Variants in UROC1 observed in about 807,000 individuals in gnomAD.
The protein encoded by UROC1 is urocanate hydratase.
UROC1 carries 79 observed loss-of-function variants against 89.5 expected under a neutral mutation model. That is an observed-to-expected ratio of 0.88 (90% CI 0.74 to 1.06). The LOEUF (loss-of-function observed/expected upper bound fraction) is 1.06, where lower values mean the gene tolerates loss of function less well. Ranked by LOEUF, UROC1 falls within the 50% of genes least tolerant of loss-of-function variation. UROC1 has a pLI of 0.00. For missense variants in UROC1, 885 were observed against 907.8 expected, an observed-to-expected ratio of 0.97 and a Z score of 0.32; for synonymous variants, 361 against 354.8, an observed-to-expected ratio of 1.02 and a Z score of -0.20.
chr3:126,510,797 G>A lies in UROC1; in HGVS notation c.127-3C>T. 1.2e-6 allele frequency: 2 copies of A among 1,612,792 alleles called. No individual in the cohort carries two copies. Among genetic ancestry groups the A allele is most frequent in the Non-Finnish European group, 1.7e-6 (2 of 1,179,890 alleles). On this transcript the variant is annotated splice_polypyrimidine_tract_variant and splice_region_variant and intron_variant, in intron 1 of 19. Transcript: ENST00000290868. ...CGCAGGGCGTTCCTCAGCGCCAGCT[G>A]GGGTAGGAGAGCGGAGAGGCAGTCG...
rs529412450 is a variant in UROC1 at position 126,481,645 on chromosome 3, G to C, written c.*700C>G. ...TCCCGGTGACCTCTCACGAGGCTCT[G>C]GACCCAGTCATTACCGGGCTATGGG... On this transcript the variant is annotated 3_prime_UTR_variant, in exon 20 of 20. Transcript: ENST00000290868. 3 of 152,320 alleles carry C rather than the reference G, an allele frequency of 2.0e-5. No homozygotes were observed. The East Asian group carries it at 5.8e-4, about 30-fold the overall frequency. 9.4% of individuals were successfully genotyped at this position (152,320 alleles called of 1,614,324 possible).
At position 126,508,097 on chromosome 3, in the gene UROC1, TGGGGGA is replaced by T. The variant is rs1481807917; in HGVS notation, c.412-8_412-3del. The T allele has an allele frequency of 6.2e-7, 1 of 1,613,692 alleles. No individual in the cohort carries two copies. ...CAAGTAGAACATGGTCAGCCAGAAC[TGGGGGA>T]AGAGCAGAGCGTGGGGATTCTGTCA... On this transcript the variant is annotated splice_region_variant and splice_polypyrimidine_tract_variant and intron_variant, in intron 4 of 19. Coordinates refer to ENST00000290868, the MANE Select transcript of UROC1 (RefSeq NM_144639.3).
intron 12 of UROC1, 35 bp from the exon 13 acceptor site, chr3:126,499,444 C>T: frequency 1.3e-6 from 2 of 1,595,682 alleles, no homozygotes; most frequent in Non-Finnish European, 1.7e-6. Context: ...CCACCCAAGG[C>T]AGGACACCCA....
chr3:126,505,013 A>C (rs559972349), intron 8 of UROC1, among the ~76,000 whole-genome samples: 1 of 152,210 alleles, frequency 6.6e-6, no homozygotes, highest in South Asian at 2.1e-4. Context: ...TGTTCCTACA[A>C]GAGCTGGTTG....
At chr3:126,514,925 T>G (rs1936266882) in intron 1 of UROC1, among the ~76,000 whole-genome samples, 1 of 152,122 alleles carries the variant, frequency 6.6e-6, no homozygotes, top group Middle Eastern at 3.4e-3. Flanking sequence ...TCTTATCACA[T>G]AAAATTGTCT....
intron 1 of UROC1, among the ~76,000 whole-genome samples, chr3:126,514,147 T>C (rs949752772): frequency 6.6e-6 from 1 of 152,256 alleles, no homozygotes; most frequent in Non-Finnish European, 1.5e-5. Context: ...TTAGGGCTCC[T>C]AGTACAACTC....
chr3:126,513,427 C>T (rs1213420239), intron 1 of UROC1, among the ~76,000 whole-genome samples: 1 of 152,256 alleles, frequency 6.6e-6, no homozygotes, highest in Non-Finnish European at 1.5e-5. Context: ...TCCTTCTCCA[C>T]ATCTGTGCAC....
chr3:126,482,260 G>T lies in UROC1; in HGVS notation c.*85C>A. On this transcript the variant is annotated 3_prime_UTR_variant, in exon 20 of 20. Coordinates refer to ENST00000290868, the MANE Select transcript of UROC1 (RefSeq NM_144639.3). ...TGTGCGAGAAGTGCAGGTAGTGCGG[G>T]TGTGCAGGAAGGGTGTGTGCCATGG... 9 of 1,575,580 alleles carry T rather than the reference G, an allele frequency of 5.7e-6. No individual in the cohort carries two copies. The highest frequency in any genetic ancestry group is 7.8e-6 in the Non-Finnish European group (9 of 1,153,526).
intron 12 of UROC1, 29 bp from the exon 13 acceptor site, chr3:126,499,438 C>T (rs761644749): frequency 6.2e-7 from 1 of 1,600,586 alleles, no homozygotes; most frequent in Non-Finnish European, 8.5e-7. Context: ...CAGTCACCAC[C>T]CAAGGCAGGA....
chr3:126,508,881 T>G (rs562462298), intron 3 of UROC1, among the ~76,000 whole-genome samples: 1 of 152,052 alleles, frequency 6.6e-6, no homozygotes, highest in Non-Finnish European at 1.5e-5. Flanking sequence ...GGGCAGCTGC[T>G]CTATAGACTG....
chr3:126,498,039 C>T lies in UROC1; in HGVS notation c.1438+12G>A. ...GCCACCCACCCATGGGCATCCCCAC[C>T]AATGGCGTCACCTCCATCAGCAATG... On this transcript the variant is annotated intron_variant, in intron 14 of 19. Coordinates refer to ENST00000290868, the MANE Select transcript of UROC1 (RefSeq NM_144639.3). The T allele has an allele frequency of 6.2e-7, 1 of 1,614,010 alleles. No individual in the cohort carries two copies. Among genetic ancestry groups the T allele is most frequent in the Middle Eastern group, 1.6e-4 (1 of 6,062 alleles).
At chr3:126,486,705 C>T (rs776423233) in intron 18 of UROC1, among the ~76,000 whole-genome samples, 21 of 152,194 alleles carry the variant, frequency 1.4e-4, no homozygotes, top group Admixed American at 2.6e-4. Flanking sequence ...GGGATCAATG[C>T]GCAGGAAAGA....
At position 126,489,356 on chromosome 3, in the gene UROC1, C is replaced by T. The variant is rs762973643; in HGVS notation, c.1628G>A (p.Arg543Gln). The part of the protein sequence containing the change: ...RRIKAPVVLS[R>Q]DHHDVSGTDS... ...GGTGCCGCTCACGTCATGGTGATCT[C>T]GGCTCAGGACCACCGGCGCCTGTGC... Residue 543 changes from arginine to glutamine, a missense_variant, in exon 17 of 20, where the codon CGA becomes CAA. Coordinates refer to ENST00000290868, the MANE Select transcript of UROC1 (RefSeq NM_144639.3). The T allele has an allele frequency of 1.2e-5, 20 of 1,612,562 alleles. No individual in the cohort carries two copies. Among genetic ancestry groups the T allele is most frequent in the Middle Eastern group, 1.6e-4 (1 of 6,084 alleles).
chr3:126,497,919 C>A (rs1576719054), intron 14 of UROC1, 132 bp downstream of exon 14: 1 of 1,516,392 alleles, frequency 6.6e-7, no homozygotes, highest in Middle Eastern at 2.0e-4. Flanking sequence ...ACCCACCAGA[C>A]TCACAAAGTC....
At chr3:126,486,231 C>T (rs766278064) in intron 18 of UROC1, among the ~76,000 whole-genome samples, 3 of 152,362 alleles carry the variant, frequency 2.0e-5, no homozygotes, top group East Asian at 1.9e-4. Context: ...AGTGGGCCCT[C>T]GGTGGCCACT....
In UROC1 at chr3:126,482,081, T is replaced by C. The variant is rs558204307; in HGVS notation, c.*264A>G. On this transcript the variant is annotated 3_prime_UTR_variant, in exon 20 of 20. Coordinates refer to ENST00000290868, the MANE Select transcript of UROC1 (RefSeq NM_144639.3). The stretch of plus-strand genomic sequence containing the variant: ...CAGGGCCCCCGGGCAGGCTTGGGAC[T>C]TGGCCCTAAATGGACTTTGACAGCC... 1.6e-5 allele frequency: 9 copies of C among 545,680 alleles called. No homozygotes were observed. The African/African-American group carries it at 1.7e-4, about 10-fold the overall frequency. 33.8% of individuals were successfully genotyped at this position (545,680 alleles called of 1,614,324 possible).
Position 126,498,107 on chromosome 3 carries a change from AGGTCCTGGG to A in UROC1, c.1373_1381del (p.Pro458_Asp460del). 6.2e-7 allele frequency: 1 copy of A among 1,614,180 alleles called. No homozygotes were observed. Among genetic ancestry groups the A allele is most frequent in the Non-Finnish European group, 8.5e-7 (1 of 1,180,014 alleles). ...TGTGGCCAGTTCGTCTGTGACCGCC[AGGTCCTGGG>A]GGTCCCCCGATGTGCACACCCAGCG... is the stretch of plus-strand genomic sequence containing the variant. On this transcript the variant is annotated inframe_deletion, in exon 14 of 20. Transcript: ENST00000290868.
intron 3 of UROC1, among the ~76,000 whole-genome samples, chr3:126,509,359 G>A (rs903710466): frequency 2.0e-5 from 3 of 151,974 alleles, no homozygotes; most frequent in African/African-American, 7.3e-5. Context: ...AATTGGACGT[G>A]TGTCCACTGC....
At position 126,498,069 on chromosome 3, in the gene UROC1, C is replaced by T. The variant is rs780092716; in HGVS notation, c.1420G>A (p.Glu474Lys). The T allele has an allele frequency of 1.1e-5, 17 of 1,614,038 alleles. No homozygotes were observed. The Admixed American group carries it at 2.3e-4, about 22-fold the overall frequency. The part of the protein sequence containing the change: ...TDELATSVLE[E>K]AIADGVKVSV... The stretch of plus-strand genomic sequence containing the variant: ...GCGTCACCTCCATCAGCAATGGCTT[C>T]CTCCAGCACAGATGTGGCCAGTTCG... Residue 474 changes from glutamate to lysine, a missense_variant, in exon 14 of 20, where the codon GAA becomes AAA. Transcript: ENST00000290868.
Sources: allele counts gnomAD v4.1 joint callset (sites outside exome capture counted in the v4.1 genomes callset), GRCh38; gene constraint gnomAD v4.1.1; transcripts MANE v1.5; gene names NCBI Gene and HGNC (gene_info 2026-07-23, HGNC 2026-07-21).